NDRG3: variants seen among roughly 807,000 people sequenced by gnomAD.
The protein encoded by NDRG3 is NDRG family member 3.
NDRG3 carries 23 observed loss-of-function variants against 57.2 expected under a neutral mutation model. That is an observed-to-expected ratio of 0.40 (90% CI 0.29 to 0.57). NDRG3 has a LOEUF of 0.57. Ranked by LOEUF, NDRG3 falls within the 20% of genes least tolerant of loss-of-function variation. The pLI is 0.42. For synonymous variants in NDRG3, 132 were observed against 162.6 expected (o/e 0.81, Z 1.43); for missense variants, 384 against 457.3 (o/e 0.84, Z 1.46).
At chr20:36,687,446 G>A in intron 5 of NDRG3, 46 bp downstream of exon 5, 1 of 1,599,388 alleles carries the variant, frequency 6.3e-7, no homozygotes. Flanking sequence ...TCAGCCAGTT[G>A]CTCTACTGAG....
intron 1 of NDRG3, among the ~76,000 whole-genome samples, chr20:36,742,612 A>G (rs1985975132): frequency 6.6e-6 from 1 of 152,244 alleles, no homozygotes; most frequent in African/African-American, 2.4e-5. Context: ...TTCATCCTGA[A>G]TAACATACAA....
chr20:36,682,895 G>A (rs1308420811), intron 6 of NDRG3, among the ~76,000 whole-genome samples: 2 of 150,744 alleles, frequency 1.3e-5, no homozygotes, highest in Admixed American at 6.6e-5. Context: ...GTGAAACCCC[G>A]TCTCTACTAA....
chr20:36,726,277 TAAAC>T (rs1363333630), intron 1 of NDRG3, among the ~76,000 whole-genome samples: 1 of 152,078 alleles, frequency 6.6e-6, no homozygotes, highest in East Asian at 1.9e-4. Flanking sequence ...AACAAACACT[TAAAC>T]AAAGACACAA....
chr20:36,683,976 T>C (rs1981558374), intron 6 of NDRG3, among the ~76,000 whole-genome samples: 1 of 152,196 alleles, frequency 6.6e-6, no homozygotes, highest in Non-Finnish European at 1.5e-5. Context: ...GATGAACGTT[T>C]TTAAAAAAAT....
intron 1 of NDRG3, among the ~76,000 whole-genome samples, chr20:36,732,846 G>C (rs556565917): frequency 6.6e-6 from 1 of 151,976 alleles, no homozygotes; most frequent in Non-Finnish European, 1.5e-5. Flanking sequence ...GAGATTTCAA[G>C]CACTTAAAAA....
chr20:36,671,315 C>T (rs1265606721), intron 9 of NDRG3, 26 bp downstream of exon 9: 2 of 1,591,144 alleles, frequency 1.3e-6, no homozygotes, highest in East Asian at 4.5e-5. Context: ...ATAAACACAG[C>T]TCTTCTGGGT....
At chr20:36,743,902 CTTTT>C (rs1188148076) in intron 1 of NDRG3, among the ~76,000 whole-genome samples, 5 of 119,016 alleles carry the variant, frequency 4.2e-5, no homozygotes, top group African/African-American at 1.5e-4. Flanking sequence ...CATAAACAAG[CTTTT>C]TTTTTTTTTT....
chr20:36,660,566 TTA>T (rs1455801487), intron 12 of NDRG3, among the ~76,000 whole-genome samples, 182 bp from the exon 13 acceptor site: 7 of 150,642 alleles, frequency 4.6e-5, no homozygotes, highest in African/African-American at 1.5e-4. Context: ...ATTTATTTAT[TTA>T]TTTTTTTTTT....
At chr20:36,736,353 A>T (rs1568674884) in intron 1 of NDRG3, among the ~76,000 whole-genome samples, 1 of 152,222 alleles carries the variant, frequency 6.6e-6, no homozygotes, top group Non-Finnish European at 1.5e-5. Context: ...CCACTGGTTT[A>T]CAGTAATGCC....
chr20:36,733,509 G>A (rs1286232218), intron 1 of NDRG3, among the ~76,000 whole-genome samples: 1 of 151,424 alleles, frequency 6.6e-6, no homozygotes, highest in East Asian at 2.0e-4. Flanking sequence ...CGGATCACGA[G>A]GGCAAGAGAT....
Position 36,666,395 on chromosome 20 carries a change from A to T in NDRG3, c.589-3T>A. 6.2e-7 allele frequency: 1 copy of T among 1,606,218 alleles called. No homozygotes were observed. The highest frequency in any genetic ancestry group is 8.5e-7 in the Non-Finnish European group (1 of 1,172,778). On this transcript the variant is annotated splice_region_variant and splice_polypyrimidine_tract_variant and intron_variant, in intron 9 of 15. Coordinates refer to ENST00000349004, the MANE Select transcript of NDRG3 (RefSeq NM_032013.4). ...TCCAGGTTGGCCTGTAACTCTTCCT[A>T]GAACAATTGAAAGAAGACATGGGTA...
intron 13 of NDRG3, among the ~76,000 whole-genome samples, chr20:36,660,065 G>A (rs1390485766): frequency 4.0e-5 from 6 of 151,872 alleles, no homozygotes; most frequent in East Asian, 2.0e-4. Context: ...AAAATTAGCC[G>A]GGCATGGTGG....
At chr20:36,683,715 T>C (rs1035614222) in intron 6 of NDRG3, among the ~76,000 whole-genome samples, 30 of 146,830 alleles carry the variant, frequency 2.0e-4, no homozygotes, top group East Asian at 7.8e-4. Flanking sequence ...CACACACACA[T>C]ATAAAAATAT....
Position 36,728,987 on chromosome 20 carries a change from G to A in NDRG3, c.-48-7204C>T, listed in dbSNP as rs148493709. On this transcript the variant is annotated intron_variant, in intron 1 of 15. Coordinates refer to ENST00000349004, the MANE Select transcript of NDRG3 (RefSeq NM_032013.4). ...TCCGCCGACCTCAGCCTCCCAAAGCGCTGGGATTACAGGTGTAAGCCACTG... is the reference window on the plus strand; with the variant it reads ...TCCGCCGACCTCAGCCTCCCAAAGCACTGGGATTACAGGTGTAAGCCACTG... Among the ~76,000 whole-genome samples the A allele has an allele frequency of 5.5e-3, 841 of 152,200 alleles. 7 individuals are homozygous for A. The highest frequency in any genetic ancestry group is 0.018 in the African/African-American group (753 of 41,506).
intron 1 of NDRG3, 87 bp downstream of exon 1, chr20:36,745,958 A>T: frequency 1.4e-5 from 4 of 278,514 alleles, no homozygotes; most frequent in Non-Finnish European, 2.1e-5. Context: ...CGCGGAGATG[A>T]TGCGGGGAAG....
rs1555807728 is a variant in NDRG3, at chr20:36,733,203, T to TGC, written c.-48-11422_-48-11421dup. ...ATATATATATATATATATATATATATGCACATATAAATTTCTTTGTTAGTT... is the reference window on the plus strand; with the variant it reads ...ATATATATATATATATATATATATATGCGCACATATAAATTTCTTTGTTAGTT... On this transcript the variant is annotated intron_variant, in intron 1 of 15. Coordinates refer to ENST00000349004, the MANE Select transcript of NDRG3 (RefSeq NM_032013.4). Among the ~76,000 whole-genome samples the TGC allele has an allele frequency of 8.4e-5, 11 of 130,200 alleles. No individual in the cohort carries two copies. The East Asian group carries it at 3.0e-3, about 36-fold the overall frequency. 85.4% of individuals were successfully genotyped at this position (130,200 alleles called of 152,430 possible).
At position 36,674,952 on chromosome 20, in the gene NDRG3, T is replaced by C. The variant is rs560062164; in HGVS notation, c.532-3555A>G. ...CTCTGTCACCTAGTCTGGAGTCCAG[T>C]GGTGTGATCATGGCTCACTACAGCC... On this transcript the variant is annotated intron_variant, in intron 8 of 15. Transcript: ENST00000349004. Among the ~76,000 whole-genome samples the C allele has an allele frequency of 9.8e-5, 13 of 133,018 alleles. No homozygotes were observed. The South Asian group carries it at 3.4e-3, about 35-fold the overall frequency. The allele number at this position is 133,018 out of a possible 152,430, so 87.3% of individuals were successfully genotyped here. A position where few individuals can be genotyped will look rare whatever the true frequency, so the allele number is the denominator to read the frequency against.
intron 3 of NDRG3, among the ~76,000 whole-genome samples, chr20:36,703,478 A>G (rs988215016): frequency 2.6e-5 from 4 of 151,234 alleles, no homozygotes; most frequent in African/African-American, 7.3e-5. Context: ...GTGTGTGTGT[A>G]ATATATAGAG....
At chr20:36,715,008 A>G (rs6016309) in intron 2 of NDRG3, among the ~76,000 whole-genome samples, 396 of 19,366 alleles carry the variant, frequency 0.02, no homozygotes, top group Non-Finnish European at 0.026. Flanking sequence ...GTGTGTGTGT[A>G]TATATATATA....
Sources: allele counts gnomAD v4.1 joint callset (sites outside exome capture counted in the v4.1 genomes callset), GRCh38; gene constraint gnomAD v4.1.1; transcripts MANE v1.5; gene names NCBI Gene and HGNC (gene_info 2026-07-23, HGNC 2026-07-21).